The following EFCAB11 variants were observed in gnomAD, a reference collection of about 807,000 sequenced individuals.
The protein encoded by EFCAB11 is EF-hand calcium-binding domain-containing protein 11.
A neutral mutation model predicts 23.0 loss-of-function variants in EFCAB11; 14 were observed. That is an observed-to-expected ratio of 0.61 (90% CI 0.40 to 0.95). The LOEUF is 0.95. Among genes scored for constraint, EFCAB11 ranks in the 40% least tolerant of loss-of-function variants. The pLI, the probability that EFCAB11 is intolerant of heterozygous loss-of-function variation, is 0.00. For synonymous variants in EFCAB11, 65 were observed against 66.6 expected (o/e 0.98, Z 0.11); for missense variants, 198 against 195.8 (o/e 1.01, Z -0.07).
chr14:89,828,059 A>G (rs566596482), intron 5 of EFCAB11, among the ~76,000 whole-genome samples: 5 of 152,326 alleles, frequency 3.3e-5, no homozygotes, highest in African/African-American at 1.2e-4. Context: ...CTTTGATTCC[A>G]TGCTTAGTAC....
At chr14:89,871,482 CA>C (rs1233079664) in intron 5 of EFCAB11, among the ~76,000 whole-genome samples, 8 of 152,250 alleles carry the variant, frequency 5.3e-5, no homozygotes, top group Admixed American at 5.2e-4. Context: ...GGAGAGGTAG[CA>C]ACCAACCCGG....
At position 89,805,856 on chromosome 14, in the gene EFCAB11, GGACA is replaced by G. The variant is rs1162827364; in HGVS notation, c.411-8536_411-8533del. Among the ~76,000 whole-genome samples, 9 of 152,290 alleles carry G rather than the reference GGACA, an allele frequency of 5.9e-5. No individual in the cohort carries two copies. The South Asian group carries it at 1.7e-3, about 28-fold the overall frequency. On this transcript the variant is annotated intron_variant, in intron 5 of 5. Transcript: ENST00000316738. Reference sequence around the variant, plus strand: ...AACCTTGCAGTATTTGGAACTTGATGGACAGACAGCAGATACTCAATGAACATAG... The same window carrying G: ...AACCTTGCAGTATTTGGAACTTGATGGACAGCAGATACTCAATGAACATAG...
At chr14:89,865,470 G>T (rs1888058067) in intron 5 of EFCAB11, among the ~76,000 whole-genome samples, 1 of 151,920 alleles carries the variant, frequency 6.6e-6, no homozygotes, top group Admixed American at 6.6e-5. Flanking sequence ...GAGAGAGAGA[G>T]ATACTTTATT....
intron 5 of EFCAB11, among the ~76,000 whole-genome samples, chr14:89,921,503 G>A (rs761341462): frequency 3.9e-5 from 6 of 152,170 alleles, no homozygotes; most frequent in Non-Finnish European, 8.8e-5. Flanking sequence ...AATCACCTAG[G>A]AATATTAAAC....
intron 5 of EFCAB11, among the ~76,000 whole-genome samples, chr14:89,826,719 T>A (rs908936957): frequency 6.6e-6 from 1 of 152,080 alleles, no homozygotes; most frequent in Non-Finnish European, 1.5e-5. Flanking sequence ...TTTTTTTCCA[T>A]AAGAATGCCA....
At chr14:89,904,141 T>C (rs1347902256) in intron 5 of EFCAB11, among the ~76,000 whole-genome samples, 1 of 152,068 alleles carries the variant, frequency 6.6e-6, no homozygotes. Flanking sequence ...CCCTACCCCC[T>C]GACCGGCCCT....
rs571426746 is a variant in EFCAB11, at chr14:89,805,249, A to G, written c.411-7925T>C. Among the ~76,000 whole-genome samples, 11 of 152,292 alleles carry G rather than the reference A, an allele frequency of 7.2e-5. No individual in the cohort carries two copies. In the East Asian group the frequency reaches 1.9e-3, roughly 27 times the overall value. On this transcript the variant is annotated intron_variant, in intron 5 of 5. Coordinates refer to ENST00000316738, the MANE Select transcript of EFCAB11 (RefSeq NM_145231.4). ...GTAGCAGCTGTGTGATTGTGGGGGA[A>G]CAGACCCCCACCCCAAGCTCTAGAA... is the stretch of plus-strand genomic sequence containing the variant.
At position 89,929,132 on chromosome 14, in the gene EFCAB11, G is replaced by A. The variant is rs546844777; in HGVS notation, c.410+2409C>T. On this transcript the variant is annotated intron_variant, in intron 5 of 5. Transcript: ENST00000316738. Reference sequence around the variant, plus strand: ...TGCAACCTTGGCTCACTGCAGCCTCGAACTTCTGGGCTCAAGAGATCCTCC... The same window carrying A: ...TGCAACCTTGGCTCACTGCAGCCTCAAACTTCTGGGCTCAAGAGATCCTCC... Among the ~76,000 whole-genome samples, 759 of 150,998 alleles carry A rather than the reference G, an allele frequency of 5.0e-3. 3 individuals carry two copies. The highest frequency in any genetic ancestry group is 7.4e-3 in the Non-Finnish European group (504 of 67,848).
chr14:89,845,045 A>G (rs1887388792), intron 5 of EFCAB11, among the ~76,000 whole-genome samples: 1 of 152,232 alleles, frequency 6.6e-6, no homozygotes, highest in Non-Finnish European at 1.5e-5. Context: ...AAGTAAAAAA[A>G]TCTGTTTTGT....
At position 89,863,671 on chromosome 14, in the gene EFCAB11, C is replaced by G. The variant is rs148240328; in HGVS notation, c.411-66347G>C. On this transcript the variant is annotated intron_variant, in intron 5 of 5. Coordinates refer to ENST00000316738, the MANE Select transcript of EFCAB11 (RefSeq NM_145231.4). The stretch of plus-strand genomic sequence containing the variant: ...CTCCGTATCCCCAGCAATGGGGATG[C>G]ACCCTGCACATGATAAATGTTTGTT... 2.7e-3 allele frequency among the ~76,000 whole-genome samples: 404 copies of G among 152,356 alleles called. 2 individuals are homozygous for G. The highest frequency in any genetic ancestry group is 3.2e-3 in the Non-Finnish European group (219 of 68,034).
Position 89,794,856 on chromosome 14 carries a change from C to T in EFCAB11, c.*2387G>A, listed in dbSNP as rs1442291127. On this transcript the variant is annotated 3_prime_UTR_variant, in exon 6 of 6. Transcript: ENST00000316738. ...GGTTCCCATATACCTCACCCAGTTTCCCCTACTATTAACATTATATATGAG... is the reference window on the plus strand; with the variant it reads ...GGTTCCCATATACCTCACCCAGTTTTCCCTACTATTAACATTATATATGAG... The T allele has an allele frequency of 6.6e-6, 1 of 151,884 alleles. No homozygotes were observed. The highest frequency in any genetic ancestry group is 2.4e-5 in the African/African-American group (1 of 41,350). The allele number at this position is 151,884 out of a possible 1,614,324, so 9.4% of individuals were successfully genotyped here.
At chr14:89,896,633 TAAG>T (rs1164492885) in intron 5 of EFCAB11, among the ~76,000 whole-genome samples, 1 of 152,048 alleles carries the variant, frequency 6.6e-6, no homozygotes, top group African/African-American at 2.4e-5. Flanking sequence ...ACAGTATTAA[TAAG>T]AAGAGAAAAA....
At chr14:89,876,988 G>T (rs1412803107) in intron 5 of EFCAB11, among the ~76,000 whole-genome samples, 2 of 152,092 alleles carry the variant, frequency 1.3e-5, no homozygotes, top group Non-Finnish European at 2.9e-5. Flanking sequence ...GGTCAGAGAG[G>T]CATGTTTGAC....
At chr14:89,810,217 C>T (rs771204445) in intron 5 of EFCAB11, among the ~76,000 whole-genome samples, 11 of 152,122 alleles carry the variant, frequency 7.2e-5, no homozygotes, top group African/African-American at 1.4e-4. Context: ...GCTGAACATA[C>T]GAGCATGTGA....
chr14:89,866,612 C>T (rs1229821720), intron 5 of EFCAB11, among the ~76,000 whole-genome samples: 1 of 152,208 alleles, frequency 6.6e-6, no homozygotes, highest in East Asian at 1.9e-4. Context: ...CCTGGGCCCA[C>T]ACCCTCGTCA....
chr14:89,831,822 C>G (rs1382368083), intron 5 of EFCAB11, among the ~76,000 whole-genome samples: 1 of 152,134 alleles, frequency 6.6e-6, no homozygotes, highest in Non-Finnish European at 1.5e-5. Context: ...CATATATAAG[C>G]AAATTTTCTC....
At chr14:89,924,592 G>T in intron 5 of EFCAB11, 1 of 1,533,200 alleles carries the variant, frequency 6.5e-7, no homozygotes, top group South Asian at 1.2e-5. Context: ...AATACCACAG[G>T]GTGTTGATGG....
chr14:89,950,219 G>A, intron 2 of EFCAB11, 77 bp from the exon 3 acceptor site: 1 of 1,417,496 alleles, frequency 7.1e-7, no homozygotes, highest in Non-Finnish European at 9.5e-7. Context: ...TCTTCAGGTG[G>A]GAATAAGGAT....
chr14:89,864,260 G>T (rs1360735318), intron 5 of EFCAB11, among the ~76,000 whole-genome samples: 21 of 152,186 alleles, frequency 1.4e-4, no homozygotes, highest in Admixed American at 1.4e-3. Context: ...TAACAAATTA[G>T]TGATTATATG....
Sources: gnomAD v4.1 joint callset for allele counts (sites outside exome capture counted in the v4.1 genomes callset) on GRCh38, gnomAD v4.1.1 for gene constraint, MANE v1.5 for transcripts, NCBI Gene and HGNC (gene_info 2026-07-23, HGNC 2026-07-21) for gene names.